The following MTMR12 variants were observed in gnomAD, a reference collection of about 807,000 sequenced individuals.
MTMR12 encodes myotubularin-related protein 12.
MTMR12 carries 33 observed loss-of-function variants against 96.7 expected under a neutral mutation model. The ratio of observed to expected loss-of-function variants is 0.34; its 90% CI spans 0.26 to 0.46. The LOEUF (loss-of-function observed/expected upper bound fraction) is 0.46, where lower values mean the gene tolerates loss of function less well. Ranked by LOEUF, MTMR12 falls within the 20% of genes least tolerant of loss-of-function variation. The pLI, the probability that MTMR12 is intolerant of heterozygous loss-of-function variation, is 1.00. For missense variants in MTMR12, 721 were observed against 896.1 expected, an observed-to-expected ratio of 0.80 and a Z score of 2.49; for synonymous variants, 298 against 327.2, an observed-to-expected ratio of 0.91 and a Z score of 0.96.
chr5:32,249,526 G>A (rs140934501), intron 8 of MTMR12, among the ~76,000 whole-genome samples: 22 of 152,320 alleles, frequency 1.4e-4, no homozygotes, highest in African/African-American at 4.8e-4. Flanking sequence ...CTAAGATACT[G>A]TGTCTACCTT....
At chr5:32,277,291 C>G (rs1417754184) in intron 1 of MTMR12, among the ~76,000 whole-genome samples, 1 of 152,162 alleles carries the variant, frequency 6.6e-6, no homozygotes, top group Non-Finnish European at 1.5e-5. Context: ...GGACTGATAA[C>G]TAGTAGCTGT....
intron 1 of MTMR12, among the ~76,000 whole-genome samples, chr5:32,298,679 T>C (rs1397746354): frequency 6.6e-6 from 1 of 151,934 alleles, no homozygotes; most frequent in Non-Finnish European, 1.5e-5. Flanking sequence ...CCAGGCGCAG[T>C]GGCTCACGCC....
intron 1 of MTMR12, among the ~76,000 whole-genome samples, chr5:32,304,063 C>T (rs1319025329): frequency 6.6e-6 from 1 of 152,138 alleles, no homozygotes; most frequent in Non-Finnish European, 1.5e-5. Context: ...TAGCTCACGC[C>T]TGTAATCCCA....
At chr5:32,266,700 A>C (rs530963768) in intron 6 of MTMR12, among the ~76,000 whole-genome samples, 50 of 150,436 alleles carry the variant, frequency 3.3e-4, no homozygotes, top group Middle Eastern at 3.5e-3. Context: ...AAAAAAAAAC[A>C]ACCAACAACA....
intron 8 of MTMR12, among the ~76,000 whole-genome samples, chr5:32,251,118 G>C (rs1055356773): frequency 6.7e-6 from 1 of 149,372 alleles, no homozygotes; most frequent in African/African-American, 2.5e-5. Flanking sequence ...TGCAGTGGCG[G>C]GATCTCGGCT....
intron 3 of MTMR12, among the ~76,000 whole-genome samples, 182 bp from the exon 4 acceptor site, chr5:32,272,087 C>T (rs1320801040): frequency 1.3e-5 from 2 of 151,886 alleles, no homozygotes; most frequent in African/African-American, 4.8e-5. Context: ...GTCAGGAGAT[C>T]GAGACCATCT....
Position 32,312,840 on chromosome 5 carries a change from C to A in MTMR12, c.-2G>T. On this transcript the variant is annotated 5_prime_UTR_variant, in exon 1 of 16. Transcript: ENST00000382142. The surrounding 1 kb of genome is among the most constrained non-coding windows in gnomAD (Gnocchi z 5.0). ...GCCGACTACTCCTTTCCCCAGCATA[C>A]CGCCGCCCTGGGAAGCAGCGACGCG... 1 of 1,525,466 alleles carries A rather than the reference C, an allele frequency of 6.6e-7. No individual in the cohort carries two copies. Among genetic ancestry groups the A allele is most frequent in the Non-Finnish European group, 8.8e-7 (1 of 1,140,206 alleles). 94.5% of individuals were successfully genotyped at this position (1,525,466 alleles called of 1,614,324 possible).
chr5:32,251,107 G>C (rs1005517091), intron 8 of MTMR12, among the ~76,000 whole-genome samples: 2 of 145,446 alleles, frequency 1.4e-5, no homozygotes, highest in African/African-American at 5.2e-5. Flanking sequence ...CCAGGCTGGA[G>C]TGCAGTGGCG....
intron 8 of MTMR12, 141 bp downstream of exon 8, chr5:32,255,551 AG>A: frequency 1.4e-6 from 1 of 736,064 alleles, no homozygotes; most frequent in Admixed American, 3.2e-5. Flanking sequence ...AGACTCTTCT[AG>A]GGAGTCCCTA....
At chr5:32,268,651 A>C (rs1325966361) in intron 6 of MTMR12, 50 bp downstream of exon 6, 1 of 1,506,376 alleles carries the variant, frequency 6.6e-7, no homozygotes, top group South Asian at 1.1e-5. Context: ...TTCAGGTGGG[A>C]ATTGGAAGGC....
intron 6 of MTMR12, among the ~76,000 whole-genome samples, chr5:32,265,327 G>A (rs554932844): frequency 1.3e-5 from 2 of 152,302 alleles, no homozygotes; most frequent in Admixed American, 6.5e-5. Flanking sequence ...CTGGGCCTCT[G>A]GCACAAAAAG....
chr5:32,244,602 G>GA (rs1280115779), intron 10 of MTMR12, among the ~76,000 whole-genome samples: 6 of 150,674 alleles, frequency 4.0e-5, no homozygotes, highest in East Asian at 1.9e-4. Context: ...AAGAAAAAAA[G>GA]AAAAAAAAAG....
chr5:32,250,549 G>A (rs1277539094), intron 8 of MTMR12, among the ~76,000 whole-genome samples: 1 of 152,208 alleles, frequency 6.6e-6, no homozygotes, highest in Non-Finnish European at 1.5e-5. Context: ...TCTGCCTAAG[G>A]TGGTGAAATT....
At chr5:32,243,185 A>G (rs1289062706) in intron 11 of MTMR12, among the ~76,000 whole-genome samples, 1 of 152,262 alleles carries the variant, frequency 6.6e-6, no homozygotes, top group Non-Finnish European at 1.5e-5. Context: ...AAAGGTATTC[A>G]GTGAAAAGTC....
At chr5:32,244,931 A>AC (rs1317458626) in intron 10 of MTMR12, among the ~76,000 whole-genome samples, 1 of 152,116 alleles carries the variant, frequency 6.6e-6, no homozygotes, top group African/African-American at 2.4e-5. Context: ...GACACTCTCA[A>AC]CCCCCTCTAA....
Position 32,233,281 on chromosome 5 carries a change from G to A in MTMR12, c.1674+492C>T, listed in dbSNP as rs1409290928. 6.6e-6 allele frequency among the ~76,000 whole-genome samples: 1 copy of A among 151,336 alleles called. No homozygotes were observed. Among genetic ancestry groups the A allele is most frequent in the Non-Finnish European group, 1.5e-5 (1 of 67,930 alleles). ...GGCAGAGCAGACTAAGGCTTCTTTTGTACTACAACAGTAGAGGGGTAGTTG... is the reference window on the plus strand; with the variant it reads ...GGCAGAGCAGACTAAGGCTTCTTTTATACTACAACAGTAGAGGGGTAGTTG... On this transcript the variant is annotated intron_variant, in intron 15 of 15. Transcript: ENST00000382142. The surrounding 1 kb of genome is among the most constrained non-coding windows in gnomAD (Gnocchi z 5.0).
chr5:32,234,072 G>C, intron 14 of MTMR12, 138 bp from the exon 15 acceptor site: 2 of 1,017,360 alleles, frequency 2.0e-6, no homozygotes, highest in Non-Finnish European at 1.4e-6. Flanking sequence ...TAAGGCTGAG[G>C]CTACCTGTGG....
intron 1 of MTMR12, among the ~76,000 whole-genome samples, chr5:32,305,382 G>A (rs1285693457): frequency 6.6e-6 from 1 of 152,056 alleles, no homozygotes; most frequent in Non-Finnish European, 1.5e-5. Context: ...ACCGCTCCTG[G>A]CCAGGTTATG....
chr5:32,279,885 G>C (rs1238207957), intron 1 of MTMR12, among the ~76,000 whole-genome samples: 1 of 152,250 alleles, frequency 6.6e-6, no homozygotes, highest in Non-Finnish European at 1.5e-5. Flanking sequence ...TCCCACAGGA[G>C]GTGGAACTCA....
Sources: allele counts gnomAD v4.1 joint callset (sites outside exome capture counted in the v4.1 genomes callset), GRCh38; gene constraint gnomAD v4.1.1; non-coding constraint Gnocchi (gnomAD v3.1); transcripts MANE v1.5; gene names NCBI Gene and HGNC (gene_info 2026-07-23, HGNC 2026-07-21).